The following IRAG2 variants were observed in gnomAD, a reference collection of about 807,000 sequenced individuals.
IRAG2 encodes the protein lymphoid restricted membrane protein.
In IRAG2, 45 loss-of-function variants were observed where a neutral mutation model predicts 69.9. That is an observed-to-expected ratio of 0.64 (90% CI 0.51 to 0.83). The LOEUF is 0.83. Ranked by LOEUF, IRAG2 falls within the 40% of genes least tolerant of loss-of-function variation. The pLI is 0.00. For synonymous variants in IRAG2, 193 were observed against 202.4 expected (o/e 0.95, Z 0.40); for missense variants, 520 against 587.0 (o/e 0.89, Z 1.18).
Position 25,015,088 on chromosome 12 carries a change from GAAAA to G in IRAG2, c.897-73_897-70del. The G allele has an allele frequency of 4.1e-4, 21 of 50,894 alleles. No individual in the cohort carries two copies. In the South Asian group the frequency reaches 6.4e-3, roughly 16 times the overall value. 3.2% of individuals were successfully genotyped at this position (50,894 alleles called of 1,614,324 possible). On this transcript the variant is annotated intron_variant, in intron 3 of 38. Transcript: ENST00000636465. ...AAAGGAAAGTACAGAGCATAAATCTGAAAAAAAAAAAAAAAAAAAAAAAAGACAA... is the reference window on the plus strand; with the variant it reads ...AAAGGAAAGTACAGAGCATAAATCTGAAAAAAAAAAAAAAAAAAAAGACAA...
the IRAG2 span, among the ~76,000 whole-genome samples, chr12:24,997,933 C>A: frequency 6.6e-6 from 1 of 152,312 alleles, no homozygotes; most frequent in East Asian, 1.9e-4. Flanking sequence ...AGGCAAATCT[C>A]AAATTGTTTT....
intron 16 of IRAG2, among the ~76,000 whole-genome samples, chr12:25,046,226 AAAAGT>A (rs1944792183): frequency 6.6e-6 from 1 of 152,180 alleles, no homozygotes; most frequent in Non-Finnish European, 1.5e-5. Flanking sequence ...TCAACATAAT[AAAAGT>A]AATGTATGAA....
chr12:25,065,447 A>C (rs1945917284), intron 4 of IRAG2, among the ~76,000 whole-genome samples: 1 of 152,206 alleles, frequency 6.6e-6, no homozygotes, highest in South Asian at 2.1e-4. Context: ...CACACATAAC[A>C]AGATGGTTTT....
chr12:24,997,841 A>G, the IRAG2 span, among the ~76,000 whole-genome samples: 1 of 152,244 alleles, frequency 6.6e-6, no homozygotes, highest in Non-Finnish European at 1.5e-5. Flanking sequence ...ATCTGAAAAG[A>G]AAAACACTCT....
At position 25,103,817 on chromosome 12, in the gene IRAG2, C is replaced by T; in HGVS notation, c.934-20C>T. 3 of 1,575,548 alleles carry T rather than the reference C, an allele frequency of 1.9e-6. No individual in the cohort carries two copies. Among genetic ancestry groups the T allele is most frequent in the Non-Finnish European group, 1.7e-6 (2 of 1,146,686 alleles). ...AATTATTGAGAGTTTTCTAAATGTA[C>T]ATTTTCCTCCTTCTGGTAGCCATCT... On this transcript the variant is annotated intron_variant, in intron 17 of 21. Transcript: ENST00000556887.
intron 6 of IRAG2, among the ~76,000 whole-genome samples, chr12:25,017,467 C>T (rs983049789): frequency 6.6e-6 from 1 of 152,030 alleles, no homozygotes; most frequent in Non-Finnish European, 1.5e-5. Context: ...CCTGTAATCC[C>T]AGCACTTTGG....
At chr12:25,073,398 C>T (rs1054524161) in intron 6 of IRAG2, among the ~76,000 whole-genome samples, 4 of 152,320 alleles carry the variant, frequency 2.6e-5, no homozygotes, top group East Asian at 1.9e-4. Flanking sequence ...CTCACTACAA[C>T]GTCTGTTTAA....
In IRAG2 at chr12:25,101,171, T is replaced by C; in HGVS notation, c.742-7T>C. 6.3e-7 allele frequency: 1 copy of C among 1,591,586 alleles called. No homozygotes were observed. Among genetic ancestry groups the C allele is most frequent in the Non-Finnish European group, 8.6e-7 (1 of 1,169,008 alleles). The stretch of plus-strand genomic sequence containing the variant: ...AATGTAAATGTGCTCGTTTTTTCTC[T>C]TGCTAGGAAAGCCGGGTTAGTAAAG... On this transcript the variant is annotated splice_region_variant and splice_polypyrimidine_tract_variant and intron_variant, in intron 15 of 21. Coordinates refer to ENST00000556887, the MANE Select transcript of IRAG2 (RefSeq NM_001366544.2).
rs568922205 is a variant in IRAG2 at position 25,044,720 on chromosome 12, A to G, written c.2144+6583A>G. ...AGGATCAACTCACCAAGAAAATACGATATCTACACACCCAACATTAGAGAA... is the reference window on the plus strand; with the variant it reads ...AGGATCAACTCACCAAGAAAATACGGTATCTACACACCCAACATTAGAGAA... On this transcript the variant is annotated intron_variant, in intron 16 of 38. Coordinates refer to the IRAG2 transcript ENST00000636465. Among the ~76,000 whole-genome samples the G allele has an allele frequency of 4.6e-5, 7 of 152,286 alleles. No individual in the cohort carries two copies. In the South Asian group the frequency reaches 8.3e-4, roughly 18 times the overall value.
intron 11 of IRAG2, among the ~76,000 whole-genome samples, chr12:25,088,886 C>T (rs1035163876): frequency 6.6e-6 from 1 of 152,050 alleles, no homozygotes; most frequent in African/African-American, 2.4e-5. Context: ...CACCAAAGTT[C>T]TCATAAAAGT....
upstream of IRAG2, among the ~76,000 whole-genome samples, chr12:25,051,750 A>G (rs1023035040): frequency 6.6e-6 from 1 of 152,236 alleles, no homozygotes. Flanking sequence ...TGTTTATACT[A>G]TGATTGACAA....
At chr12:25,096,496 C>T (rs1020914950) in intron 14 of IRAG2, among the ~76,000 whole-genome samples, 2 of 152,112 alleles carry the variant, frequency 1.3e-5, no homozygotes, top group Non-Finnish European at 2.9e-5. Flanking sequence ...CCAGTCATAC[C>T]GTCAGAGACA....
At chr12:25,022,035 C>T (rs941131417) in intron 7 of IRAG2, among the ~76,000 whole-genome samples, 7 of 152,112 alleles carry the variant, frequency 4.6e-5, no homozygotes, top group South Asian at 4.1e-4. Flanking sequence ...CTTCAAGCTC[C>T]GGCTCCAAGG....
At chr12:25,106,792 G>C in intron 20 of IRAG2, 151 bp from the exon 21 acceptor site, 1 of 347,724 alleles carries the variant, frequency 2.9e-6, no homozygotes, top group East Asian at 4.5e-5. Flanking sequence ...CTGGTGATTT[G>C]ATTTTTAGAG....
chr12:25,068,881 C>T (rs893792763), intron 5 of IRAG2, among the ~76,000 whole-genome samples: 2 of 152,208 alleles, frequency 1.3e-5, no homozygotes, highest in African/African-American at 4.8e-5. Context: ...CCTAAGTTAA[C>T]TTAGACAGGT....
chr12:25,079,196 G>A, intron 6 of IRAG2, 48 bp from the exon 7 acceptor site: 1 of 1,597,752 alleles, frequency 6.3e-7, no homozygotes. Context: ...TCTTTGGAAT[G>A]GAAAATGTCA....
chr12:25,011,631 T>G, intron 3 of IRAG2: 1 of 936,006 alleles, frequency 1.1e-6, no homozygotes, highest in Non-Finnish European at 1.4e-6. Flanking sequence ...CTGTTTCCTG[T>G]GTTGATGGAA....
upstream of IRAG2, among the ~76,000 whole-genome samples, chr12:25,051,150 A>C (rs1485707917): frequency 3.3e-5 from 5 of 152,218 alleles, no homozygotes; most frequent in Non-Finnish European, 7.3e-5. Flanking sequence ...GTTAAAGAAA[A>C]AGAGAGAAAA....
upstream of IRAG2, among the ~76,000 whole-genome samples, chr12:25,050,174 G>A (rs1944831569): frequency 6.6e-6 from 1 of 151,598 alleles, no homozygotes; most frequent in African/African-American, 2.4e-5. Flanking sequence ...TGGTGAGGAT[G>A]TAGAGATATT....
Sources: allele counts gnomAD v4.1 joint callset (sites outside exome capture counted in the v4.1 genomes callset), GRCh38; gene constraint gnomAD v4.1.1; transcripts MANE v1.5; gene names NCBI Gene and HGNC (gene_info 2026-07-23, HGNC 2026-07-21).